SRPX: variants seen among roughly 807,000 people sequenced by gnomAD.
SRPX encodes the protein sushi repeat-containing protein SRPX.
Under a neutral mutation model 38.1 loss-of-function variants are expected in SRPX, and 24 were observed. The observed-to-expected ratio is 0.63, with a 90% CI of 0.46 to 0.89. SRPX has a LOEUF of 0.89. SRPX is among the 40% of genes least tolerant of loss of function. The pLI is 0.00. For synonymous variants in SRPX, 184 were observed against 153.8 expected, an observed-to-expected ratio of 1.20 and a Z score of -1.45; for missense variants, 416 against 377.8, an observed-to-expected ratio of 1.10 and a Z score of -0.84.
intron 1 of SRPX, among the ~76,000 whole-genome samples, chrX:38,195,132 C>G (rs1245184316): frequency 9.1e-6 from 1 of 110,211 alleles, no homozygotes; most frequent in African/African-American, 3.3e-5. Flanking sequence ...CTCGGCCTCC[C>G]AAAGTGCTGG....
chrX:38,220,589 C>CA, intron 1 of SRPX, 107 bp downstream of exon 1: 1 of 1,076,968 alleles, frequency 9.3e-7, no homozygotes, highest in Non-Finnish European at 1.2e-6. Context: ...TCTGCGCAAA[C>CA]AAAGGGCGCC....
chrX:38,186,856 G>T (rs1293070884), intron 1 of SRPX, among the ~76,000 whole-genome samples: 2 of 111,866 alleles, frequency 1.8e-5, no homozygotes, highest in African/African-American at 6.5e-5. Context: ...CAGTATTTAT[G>T]TTTCTAAGAA....
At chrX:38,185,901 G>C (rs1418132964) in intron 1 of SRPX, among the ~76,000 whole-genome samples, 209 of 104,994 alleles carry the variant, frequency 2.0e-3, no homozygotes, top group African/African-American at 5.9e-3. Flanking sequence ...AAAAAAAAGG[G>C]GGGGGGGAGT....
intron 1 of SRPX, among the ~76,000 whole-genome samples, chrX:38,185,546 T>C (rs1242268543): frequency 9.0e-6 from 1 of 111,637 alleles, no homozygotes; most frequent in African/African-American, 3.3e-5. Context: ...CTTTGTTAAA[T>C]CAAGGTAGTG....
intron 9 of SRPX, among the ~76,000 whole-genome samples, chrX:38,153,641 G>C (rs934534043): frequency 5.4e-5 from 6 of 111,448 alleles, no homozygotes; most frequent in Non-Finnish European, 1.9e-5. Flanking sequence ...AATGAACTAA[G>C]AGAGTGAGCA....
intron 1 of SRPX, among the ~76,000 whole-genome samples, chrX:38,200,984 A>G (rs950039459): frequency 9.8e-5 from 11 of 111,768 alleles, no homozygotes; most frequent in African/African-American, 3.6e-4. Context: ...TTTGGATGGG[A>G]CTGAATTTAC....
intron 4 of SRPX, among the ~76,000 whole-genome samples, chrX:38,166,554 T>A (rs1371828514): frequency 8.9e-6 from 1 of 111,874 alleles, no homozygotes; most frequent in East Asian, 2.8e-4. Context: ...ATTCAAGATG[T>A]CTATACTCAG....
intron 1 of SRPX, among the ~76,000 whole-genome samples, chrX:38,192,246 A>C (rs994023325): frequency 1.8e-5 from 2 of 111,782 alleles, no homozygotes; most frequent in African/African-American, 6.5e-5. Flanking sequence ...AGTTGCTTAT[A>C]ATTTGAAATT....
chrX:38,197,986 G>A (rs1175561304), intron 1 of SRPX, among the ~76,000 whole-genome samples: 2 of 111,891 alleles, frequency 1.8e-5, no homozygotes, highest in African/African-American at 6.5e-5. Context: ...TGGCAAGAGG[G>A]GTGAGATGAG....
intron 1 of SRPX, among the ~76,000 whole-genome samples, chrX:38,219,202 G>C (rs750982212): frequency 1.6e-4 from 18 of 110,802 alleles, no homozygotes; most frequent in African/African-American, 5.9e-4. Flanking sequence ...GGAGGAGAAC[G>C]GAGGGAGGTC....
In SRPX at chrX:38,174,359, T is replaced by C. The variant is rs776060444; in HGVS notation, c.158-8A>G. On this transcript the variant is annotated splice_region_variant and splice_polypyrimidine_tract_variant and intron_variant, in intron 2 of 9. Transcript: ENST00000378533. ...GGGAGCACCACGGGGTATCTACAAG[T>C]AGCAGAAACAAAAGAGGAGATAAAT... 95 of 1,018,481 alleles carry C rather than the reference T, an allele frequency of 9.3e-5. No individual in the cohort carries two copies. The highest frequency in any genetic ancestry group is 1.2e-4 in the Non-Finnish European group (94 of 792,858). 83.9% of individuals were successfully genotyped at this position (1,018,481 alleles called of 1,213,427 possible).
chrX:38,195,359 G>A (rs997692635), intron 1 of SRPX, among the ~76,000 whole-genome samples: 1 of 104,025 alleles, frequency 9.6e-6, no homozygotes, highest in African/African-American at 3.4e-5. Context: ...TATTAAACTG[G>A]CTGGTAAGTA....
chrX:38,209,000 A>ATAT (rs1383161553), intron 1 of SRPX, among the ~76,000 whole-genome samples: 15 of 42,641 alleles, frequency 3.5e-4, no homozygotes, highest in Admixed American at 2.8e-3. Context: ...ATATATATAT[A>ATAT]TTTTTTTTTT....
In SRPX at chrX:38,161,065, A is replaced by G. The variant is rs200505084; in HGVS notation, c.654-11T>C. 3.2e-5 allele frequency: 39 copies of G among 1,205,008 alleles called. No homozygotes were observed. The Admixed American group carries it at 6.4e-4, about 20-fold the overall frequency. ...CCTTTTAGAATGACACTTAGAGAAAAAAAATCAGAAACAGGAAAGATGACA... is the reference window on the plus strand; with the variant it reads ...CCTTTTAGAATGACACTTAGAGAAAGAAAATCAGAAACAGGAAAGATGACA... On this transcript the variant is annotated splice_polypyrimidine_tract_variant and intron_variant, in intron 5 of 9. Transcript: ENST00000378533.
At position 38,154,165 on chromosome X, in the gene SRPX, C is replaced by T. The variant is rs1270035807; in HGVS notation, c.1211+297G>A. On this transcript the variant is annotated intron_variant, in intron 9 of 9. Transcript: ENST00000378533. ...ACCATGATTGCTTAAGTCTTTTCTT[C>T]AGGTGCTCCTCTCCTAACCATCCTT... 2.0e-5 allele frequency: 5 copies of T among 245,259 alleles called. No individual in the cohort carries two copies. In the East Asian group the frequency reaches 3.6e-4, roughly 18 times the overall value. The allele number at this position is 245,259 out of a possible 1,213,427, so 20.2% of individuals were successfully genotyped here. A position where few individuals can be genotyped will look rare whatever the true frequency, so the allele number is the denominator to read the frequency against.
intron 8 of SRPX, among the ~76,000 whole-genome samples, chrX:38,155,714 T>C (rs73632467): frequency 0.029 from 3,259 of 112,504 alleles, 120 homozygotes; most frequent in African/African-American, 0.099. Context: ...TTCATTTTCC[T>C]ATGGAATAAG....
At chrX:38,169,814 CTTG>C (rs1214580861) in intron 4 of SRPX, among the ~76,000 whole-genome samples, 3 of 111,905 alleles carry the variant, frequency 2.7e-5, no homozygotes, top group African/African-American at 9.7e-5. Flanking sequence ...TACATGAGGA[CTTG>C]TTGTGATTCC....
At chrX:38,153,310 T>C (rs975609835) in intron 9 of SRPX, among the ~76,000 whole-genome samples, 1 of 96,871 alleles carries the variant, frequency 1.0e-5, no homozygotes, top group Non-Finnish European at 2.1e-5. Flanking sequence ...TTCTTTTTTT[T>C]TTTTTTTTTT....
At chrX:38,189,932 G>A (rs1482526323) in intron 1 of SRPX, among the ~76,000 whole-genome samples, 1 of 112,027 alleles carries the variant, frequency 8.9e-6, no homozygotes, top group Non-Finnish European at 1.9e-5. Context: ...ATATGCTCAA[G>A]CTGTTCCATC....
Sources: allele counts gnomAD v4.1 joint callset (sites outside exome capture counted in the v4.1 genomes callset), GRCh38; gene constraint gnomAD v4.1.1; transcripts MANE v1.5; gene names NCBI Gene and HGNC (gene_info 2026-07-23, HGNC 2026-07-21).